Variants in SYNE2 observed in about 807,000 individuals in gnomAD.
SYNE2 encodes nesprin-2.
In SYNE2, 431 loss-of-function variants were observed where a neutral mutation model predicts 856.3. The observed-to-expected ratio is 0.50, with a 90% CI of 0.47 to 0.55. The LOEUF (loss-of-function observed/expected upper bound fraction) is 0.55. Ranked by LOEUF, SYNE2 falls within the 20% of genes least tolerant of loss-of-function variation. The pLI is 0.00. For synonymous variants in SYNE2, 2,923 were observed against 2,872.3 expected (o/e 1.02, Z -0.56); for missense variants, 8,129 against 8,023.2 (o/e 1.01, Z -0.50).
chr14:64,031,431 C>G (rs1360392489), intron 45 of SYNE2, 74 bp downstream of exon 45: 1 of 1,319,866 alleles, frequency 7.6e-7, no homozygotes, highest in Admixed American at 1.8e-5. Context: ...AAAAGAGGGT[C>G]GTGAATCAAG....
At chr14:64,060,910 C>T (rs186359183) in intron 49 of SYNE2, among the ~76,000 whole-genome samples, 16 of 152,294 alleles carry the variant, frequency 1.1e-4, no homozygotes, top group Middle Eastern at 3.4e-3. Context: ...GTTGGCAGCA[C>T]TGCATTCCAA....
chr14:64,067,693 A>G (rs1412078523), intron 51 of SYNE2, among the ~76,000 whole-genome samples: 1 of 152,240 alleles, frequency 6.6e-6, no homozygotes, highest in East Asian at 1.9e-4. Flanking sequence ...TACAAATTAA[A>G]AACTAAATTT....
chr14:64,113,290 C>A (rs377712016), intron 65 of SYNE2, 51 bp from the exon 66 acceptor site: 47 of 1,611,446 alleles, frequency 2.9e-5, no homozygotes, highest in Non-Finnish European at 3.6e-5. Context: ...TCTTTGCAGG[C>A]CCAAGTCTGA....
chr14:64,146,353 T>G, intron 84 of SYNE2, 130 bp downstream of exon 84: 1 of 838,960 alleles, frequency 1.2e-6, no homozygotes, highest in South Asian at 2.9e-5. Flanking sequence ...CTTATTTTCT[T>G]ATGTCAATTA....
At chr14:63,946,953 G>T (rs1449780188) in intron 6 of SYNE2, among the ~76,000 whole-genome samples, 1 of 152,004 alleles carries the variant, frequency 6.6e-6, no homozygotes, top group African/African-American at 2.4e-5. Context: ...GGGTTCAAGT[G>T]ATTCTTCTGC....
chr14:64,202,228 C>T, intron 99 of SYNE2: 1 of 702,346 alleles, frequency 1.4e-6, no homozygotes, highest in South Asian at 1.5e-5. Context: ...TGGGCTGGTT[C>T]AATGTATACG....
intron 94 of SYNE2, among the ~76,000 whole-genome samples, chr14:64,172,672 CT>C (rs1158691142): frequency 6.6e-6 from 1 of 152,092 alleles, no homozygotes; most frequent in Admixed American, 6.6e-5. Flanking sequence ...TGAGAATTGG[CT>C]GAAATCCCAA....
At position 64,167,572 on chromosome 14, in the gene SYNE2, A is replaced by G. The variant is rs879486654; in HGVS notation, c.16838A>G (p.Glu5613Gly). ...TGGATCCAACTTTTGGAGAAGATAG[A>G]AGAAGCACTCAAAGTGGATGTGGCT... ...EKWIQLLEKI[E>G]EALKVDVANS... Residue 5613 changes from glutamate to glycine, a missense_variant, in exon 92 of 116, where the codon GAA becomes GGA. By Grantham distance (98) the Glu-to-Gly change is moderately conservative. Around this residue, in one of 3 missense-constraint regions of SYNE2, gnomAD observed 5,410 missense variants for 5,284.8 expected, o/e 1.02. Transcript: ENST00000555002. 5 of 1,614,222 alleles carry G rather than the reference A, an allele frequency of 3.1e-6. No homozygotes were observed. Among genetic ancestry groups the G allele is most frequent in the Non-Finnish European group, 4.2e-6 (5 of 1,180,034 alleles).
At chr14:64,017,781 C>G (rs775127746) in intron 34 of SYNE2, 25 bp downstream of exon 34, 1 of 1,609,406 alleles carries the variant, frequency 6.2e-7, no homozygotes, top group South Asian at 1.1e-5. Context: ...AAAATACATG[C>G]TTTTCTTGGT....
intron 1 of SYNE2, among the ~76,000 whole-genome samples, chr14:63,861,792 A>G (rs1893815135): frequency 6.6e-6 from 1 of 152,214 alleles, no homozygotes; most frequent in Admixed American, 6.5e-5. Context: ...AGGTAAAACA[A>G]ATTCAATTTT....
At chr14:63,765,849 T>C (rs1463464752) in intron 1 of SYNE2, among the ~76,000 whole-genome samples, 2 of 152,076 alleles carry the variant, frequency 1.3e-5, no homozygotes, top group East Asian at 3.9e-4. Flanking sequence ...AAAAAAATTA[T>C]ATCTGCCCTG....
chr14:63,895,015 A>G (rs1399558789), intron 1 of SYNE2, among the ~76,000 whole-genome samples: 2 of 152,254 alleles, frequency 1.3e-5, no homozygotes, highest in African/African-American at 4.8e-5. Context: ...CCTAGAGCTT[A>G]CAGCTGGGAT....
intron 1 of SYNE2, among the ~76,000 whole-genome samples, chr14:63,770,876 T>TA (rs987725804): frequency 1.8e-4 from 28 of 151,552 alleles, no homozygotes; most frequent in African/African-American, 6.0e-4. Flanking sequence ...GAAGTCAATT[T>TA]AAAAAAAAAT....
At chr14:64,034,734 A>G (rs952772990) in intron 45 of SYNE2, 1 of 394,954 alleles carries the variant, frequency 2.5e-6, no homozygotes. Flanking sequence ...GCATATTTTT[A>G]TAGATGCGTA....
At chr14:63,907,777 T>C (rs2095425893) in intron 1 of SYNE2, among the ~76,000 whole-genome samples, 1 of 152,152 alleles carries the variant, frequency 6.6e-6, no homozygotes, top group Non-Finnish European at 1.5e-5. Flanking sequence ...TCTTTGTCAC[T>C]CATCAGGCTG....
In SYNE2 at chr14:64,053,194, C is replaced by T; in HGVS notation, c.9281C>T (p.Ala3094Val). Residue 3094 changes from alanine to valine, a missense_variant, in exon 48 of 116, where the codon GCC (alanine) becomes GTC (valine). Ala to Val is a moderately conservative substitution (Grantham distance 64). This residue lies in a region of SYNE2 where 5,410 missense variants were observed against 5,284.8 expected (regional missense o/e 1.02). Transcript: ENST00000555002. ...ATTTTAAGTCAGAGAATTGAGAAAG[C>T]CAAGTGTTTATGTGATGAGATAATA... ...AQILSQRIEKAKCLCDEIIKK... is the reference protein window; with the variant it reads ...AQILSQRIEKVKCLCDEIIKK... 1.2e-6 allele frequency: 2 copies of T among 1,613,834 alleles called. No individual in the cohort carries two copies. Among genetic ancestry groups the T allele is most frequent in the South Asian group, 1.1e-5 (1 of 91,008 alleles).
chr14:64,032,446 C>T (rs2097047064), intron 45 of SYNE2, among the ~76,000 whole-genome samples: 1 of 152,164 alleles, frequency 6.6e-6, no homozygotes, highest in Non-Finnish European at 1.5e-5. Flanking sequence ...TCTGTTATCC[C>T]AGCTCCTTGG....
intron 80 of SYNE2, among the ~76,000 whole-genome samples, chr14:64,140,854 A>C (rs947828878): frequency 3.9e-5 from 6 of 152,020 alleles, no homozygotes; most frequent in African/African-American, 1.4e-4. Context: ...ATTATTGGTC[A>C]ATGCATTTAT....
intron 6 of SYNE2, among the ~76,000 whole-genome samples, chr14:63,943,360 G>C (rs149442195): frequency 3.9e-5 from 6 of 152,264 alleles, no homozygotes; most frequent in African/African-American, 1.2e-4. Flanking sequence ...CAGGGTTTCT[G>C]CACTACCTAA....
Sources: allele counts gnomAD v4.1 joint callset (sites outside exome capture counted in the v4.1 genomes callset), GRCh38; gene constraint gnomAD v4.1.1; regional missense constraint gnomAD v4.1.1; transcripts MANE v1.5; gene names NCBI Gene and HGNC (gene_info 2026-07-23, HGNC 2026-07-21).